Variants in ZNF286A observed in about 807,000 individuals in gnomAD.
The protein encoded by ZNF286A is zinc finger protein ZNF286.
In ZNF286A, 34 loss-of-function variants were observed where a neutral mutation model predicts 49.3. The observed-to-expected ratio is 0.69, with a 90% CI of 0.52 to 0.92. The LOEUF is 0.92. Among genes scored for constraint, ZNF286A ranks in the 40% least tolerant of loss-of-function variants. ZNF286A has a pLI of 0.00. For synonymous variants in ZNF286A, 155 were observed against 200.4 expected (o/e 0.77, Z 1.91); for missense variants, 462 against 600.2 (o/e 0.77, Z 2.41).
At chr17:15,701,938 C>T (rs9890896) in intron 3 of ZNF286A, among the ~76,000 whole-genome samples, 81,942 of 151,540 alleles carry the variant, frequency 0.54, 22,265 homozygotes, top group East Asian at 0.65. Flanking sequence ...CTTGCTAACA[C>T]GGTGAAACCC....
rs1280666747 is a variant in ZNF286A at position 15,717,348 on chromosome 17, G to C, written c.*58G>C. ...TTTTATCACTGTATTAAATACTTGAGTGTTTAGGTGGAAGGCGCATCCATA... is the reference window on the plus strand; with the variant it reads ...TTTTATCACTGTATTAAATACTTGACTGTTTAGGTGGAAGGCGCATCCATA... On this transcript the variant is annotated 3_prime_UTR_variant, in exon 6 of 6. Transcript: ENST00000583566. 2 of 1,359,536 alleles carry C rather than the reference G, an allele frequency of 1.5e-6. No individual in the cohort carries two copies. The highest frequency in any genetic ancestry group is 3.0e-5 in the African/African-American group (2 of 67,470). 84.2% of individuals were successfully genotyped at this position (1,359,536 alleles called of 1,614,324 possible).
rs1418755109 is a variant in ZNF286A at position 15,719,525 on chromosome 17, G to T, written c.*2235G>T. On this transcript the variant is annotated 3_prime_UTR_variant, in exon 6 of 6. Coordinates refer to ENST00000583566, the MANE Select transcript of ZNF286A (RefSeq NM_001130842.2). The stretch of plus-strand genomic sequence containing the variant: ...AGGGTCTAGGGAAGGTCTGCTTCTT[G>T]GTTAATAGAAAGCACCTTTCACTGT... 7 of 151,784 alleles carry T rather than the reference G, an allele frequency of 4.6e-5. No homozygotes were observed. In the East Asian group the frequency reaches 1.4e-3, roughly 29 times the overall value. 9.4% of individuals were successfully genotyped at this position (151,784 alleles called of 1,614,324 possible). A position where few individuals can be genotyped will look rare whatever the true frequency, so the allele number is the denominator to read the frequency against.
intron 3 of ZNF286A, 145 bp downstream of exon 3, chr17:15,701,385 TG>T (rs1233265983): frequency 1.7e-6 from 1 of 596,600 alleles, no homozygotes; most frequent in Non-Finnish European, 2.9e-6. Context: ...AGGAGACTAA[TG>T]GACTCAGAAG....
rs1163801767 is a variant in ZNF286A, at chr17:15,720,045, A to G, written c.*2755A>G. 4 of 152,178 alleles carry G rather than the reference A, an allele frequency of 2.6e-5. No homozygotes were observed. The highest frequency in any genetic ancestry group is 5.9e-5 in the Non-Finnish European group (4 of 68,026). 9.4% of individuals were successfully genotyped at this position (152,178 alleles called of 1,614,324 possible). A position where few individuals can be genotyped will look rare whatever the true frequency, so the allele number is the denominator to read the frequency against. Reference sequence around the variant, plus strand: ...ATTTGACTAAGGAAAGAAGACCAACATGGGCTTTCCAAAGTTGAGTTTGAA... The same window carrying G: ...ATTTGACTAAGGAAAGAAGACCAACGTGGGCTTTCCAAAGTTGAGTTTGAA... On this transcript the variant is annotated 3_prime_UTR_variant, in exon 6 of 6. Coordinates refer to ENST00000583566, the MANE Select transcript of ZNF286A (RefSeq NM_001130842.2).
At chr17:15,708,491 A>G (rs1296647970) in intron 5 of ZNF286A, 1 of 336,730 alleles carries the variant, frequency 3.0e-6, no homozygotes, top group Admixed American at 4.6e-5. Flanking sequence ...TCTTTTTCTT[A>G]CAATATAAAA....
At chr17:15,699,842 C>T (rs1989627310) in intron 1 of ZNF286A, 65 bp downstream of exon 1, 1 of 702,584 alleles carries the variant, frequency 1.4e-6, no homozygotes, top group South Asian at 1.5e-5. Context: ...CCGGGTCGTT[C>T]TGTGCCGAGT....
intron 3 of ZNF286A, 173 bp downstream of exon 3, chr17:15,701,413 A>T (rs1406911291): frequency 2.0e-6 from 1 of 511,210 alleles, no homozygotes; most frequent in Non-Finnish European, 3.5e-6. Flanking sequence ...TTTTCTACTT[A>T]TAACACTGGA....
At chr17:15,709,911 A>T (rs1452956345) in intron 5 of ZNF286A, 24 of 1,533,510 alleles carry the variant, frequency 1.6e-5, no homozygotes, top group Admixed American at 2.0e-5. Flanking sequence ...GTCTTAAATC[A>T]TCACATGTTT....
Position 15,707,941 on chromosome 17 carries a change from C to T in ZNF286A, c.242-214C>T, listed in dbSNP as rs3760301. 6.6e-5 allele frequency among the ~76,000 whole-genome samples: 10 copies of T among 151,838 alleles called. No individual in the cohort carries two copies. The South Asian group carries it at 2.1e-3, about 32-fold the overall frequency. On this transcript the variant is annotated intron_variant, in intron 4 of 5. Transcript: ENST00000583566. Reference sequence around the variant, plus strand: ...AGAGGTGGGAGGATAGCTTGAGCCCCGGAGTTCGAGACCTGCCTGGGCAAT... The same window carrying T: ...AGAGGTGGGAGGATAGCTTGAGCCCTGGAGTTCGAGACCTGCCTGGGCAAT...
chr17:15,717,383 TGAG>T lies in ZNF286A; in HGVS notation c.*96_*98del. 13 of 1,459,388 alleles carry T rather than the reference TGAG, an allele frequency of 8.9e-6. No homozygotes were observed. The highest frequency in any genetic ancestry group is 1.1e-5 in the Non-Finnish European group (12 of 1,092,210). The allele number at this position is 1,459,388 out of a possible 1,614,324, so 90.4% of individuals were successfully genotyped here. A position where few individuals can be genotyped will look rare whatever the true frequency, so the allele number is the denominator to read the frequency against. On this transcript the variant is annotated 3_prime_UTR_variant, in exon 6 of 6. Transcript: ENST00000583566. ...GGAAGGCGCATCCATAATATGCATG[TGAG>T]GACCAATTCTGTATGCATCTAATTT...
rs377200166 is a variant in ZNF286A at position 15,716,916 on chromosome 17, A to G, written c.1192A>G (p.Thr398Ala). 13 of 1,611,034 alleles carry G rather than the reference A, an allele frequency of 8.1e-6. No individual in the cohort carries two copies. In the African/African-American group the frequency reaches 1.7e-4, roughly 22 times the overall value. The part of the protein sequence containing the change: ...GKAFSHCSSL[T>A]KHQRVHTGEK... The stretch of plus-strand genomic sequence containing the variant: ...AGCCTTTAGCCATTGCTCATCCCTA[A>G]CTAAGCATCAGAGAGTTCATACTGG... The change falls in exon 6 of 6, where the codon ACT (threonine) becomes GCT (alanine). Residue 398 changes from threonine (T) to alanine (A), a missense_variant. Thr to Ala is a moderately conservative substitution (Grantham distance 58). This residue lies in a region of ZNF286A where 201 missense variants were observed against 311.3 expected (regional missense o/e 0.65). Transcript: ENST00000583566.
rs1967156786 is a variant in ZNF286A, at chr17:15,717,931, T to TTTTTTA, written c.*646_*647insATTTTT. 1.5e-4 allele frequency: 1 copy of TTTTTTA among 6,550 alleles called. No individual in the cohort carries two copies. The highest frequency in any genetic ancestry group is 2.8e-4 in the Non-Finnish European group (1 of 3,532). 0.4% of individuals were successfully genotyped at this position (6,550 alleles called of 1,614,324 possible). On this transcript the variant is annotated 3_prime_UTR_variant, in exon 6 of 6. Coordinates refer to ENST00000583566, the MANE Select transcript of ZNF286A (RefSeq NM_001130842.2). ...TCACATGGATTATGTACATCATTGA[T>TTTTTTA]TTTTTTTTTTTTTTTTTTTTGAGAC...
intron 5 of ZNF286A, among the ~76,000 whole-genome samples, chr17:15,713,836 T>C (rs984039705): frequency 2.6e-5 from 4 of 151,954 alleles, no homozygotes; most frequent in African/African-American, 9.7e-5. Flanking sequence ...GCCTGAAAGC[T>C]CAAATTTTAT....
chr17:15,707,879 G>C (rs1423748896), intron 4 of ZNF286A, among the ~76,000 whole-genome samples: 2 of 152,028 alleles, frequency 1.3e-5, no homozygotes, highest in Non-Finnish European at 2.9e-5. Flanking sequence ...AGTTGGTCGT[G>C]GTGGCTCACA....
rs909266264 is a variant in ZNF286A at position 15,719,527 on chromosome 17, T to C, written c.*2237T>C. On this transcript the variant is annotated 3_prime_UTR_variant, in exon 6 of 6. Transcript: ENST00000583566. ...GGTCTAGGGAAGGTCTGCTTCTTGG[T>C]TAATAGAAAGCACCTTTCACTGTGT... 12 of 151,596 alleles carry C rather than the reference T, an allele frequency of 7.9e-5. No homozygotes were observed. The highest frequency in any genetic ancestry group is 1.6e-4 in the Non-Finnish European group (11 of 67,930). The allele number at this position is 151,596 out of a possible 1,614,324, so 9.4% of individuals were successfully genotyped here.
intron 5 of ZNF286A, among the ~76,000 whole-genome samples, chr17:15,710,540 A>G (rs2601957): frequency 3.1e-4 from 47 of 151,784 alleles, no homozygotes; most frequent in Admixed American, 6.6e-4. Context: ...ACTTAGTTCT[A>G]TTTCTTGTCT....
chr17:15,720,221 A>G lies in ZNF286A; in HGVS notation c.*2931A>G, dbSNP rs1429918495. 2 of 152,078 alleles carry G rather than the reference A, an allele frequency of 1.3e-5. No individual in the cohort carries two copies. The highest frequency in any genetic ancestry group is 1.3e-4 in the Admixed American group (2 of 15,256). The allele number at this position is 152,078 out of a possible 1,614,324, so 9.4% of individuals were successfully genotyped here. Reference sequence around the variant, plus strand: ...AAGGATTAAATAAGACAATGCATATAAAAGAACTGGCAGACAATAAATATA... The same window carrying G: ...AAGGATTAAATAAGACAATGCATATGAAAGAACTGGCAGACAATAAATATA... On this transcript the variant is annotated 3_prime_UTR_variant, in exon 6 of 6. Coordinates refer to ENST00000583566, the MANE Select transcript of ZNF286A (RefSeq NM_001130842.2).
At chr17:15,703,612 A>AC (rs1300264089) in intron 3 of ZNF286A, among the ~76,000 whole-genome samples, 1 of 152,016 alleles carries the variant, frequency 6.6e-6, no homozygotes, top group African/African-American at 2.4e-5. Context: ...TACTTGCACT[A>AC]CTGTATTCAG....
chr17:15,712,919 T>C lies in ZNF286A; in HGVS notation c.335-3140T>C, dbSNP rs527547589. ...TCCCAACCTCATTTCACAGCTACTCTTCTTCCATCTCTGTGCTCTAGTGTA... is the reference window on the plus strand; with the variant it reads ...TCCCAACCTCATTTCACAGCTACTCCTCTTCCATCTCTGTGCTCTAGTGTA... On this transcript the variant is annotated intron_variant, in intron 5 of 5. Coordinates refer to ENST00000583566, the MANE Select transcript of ZNF286A (RefSeq NM_001130842.2). Among the ~76,000 whole-genome samples the C allele has an allele frequency of 2.6e-3, 390 of 152,272 alleles. 1 individual carries two copies. The highest frequency in any genetic ancestry group is 9.1e-3 in the African/African-American group (378 of 41,564).
Sources: allele counts gnomAD v4.1 joint callset (sites outside exome capture counted in the v4.1 genomes callset), GRCh38; gene constraint gnomAD v4.1.1; regional missense constraint gnomAD v4.1.1; transcripts MANE v1.5; gene names NCBI Gene and HGNC (gene_info 2026-07-23, HGNC 2026-07-21).